The following CTNND2 variants were observed in gnomAD, a reference collection of about 807,000 sequenced individuals.
CTNND2 encodes catenin delta 2.
Under a neutral mutation model 144.4 loss-of-function variants are expected in CTNND2, and 22 were observed. That is an observed-to-expected ratio of 0.15 (90% CI 0.11 to 0.22). CTNND2 has a LOEUF of 0.22. Among genes scored for constraint, CTNND2 ranks in the 10% least tolerant of loss-of-function variants. The pLI is 1.00. For missense variants in CTNND2, 1,353 were observed against 1,618.8 expected (o/e 0.84, Z 2.82); for synonymous variants, 751 against 695.6 (o/e 1.08, Z -1.25).
At chr5:11,071,687 G>GC (rs1748325165) in intron 16 of CTNND2, among the ~76,000 whole-genome samples, 2 of 145,246 alleles carry the variant, frequency 1.4e-5, no homozygotes, top group African/African-American at 5.7e-5. Context: ...TGATGTGGGA[G>GC]GGGGGAGTGC....
chr5:11,443,364 G>GTGT, intron 3 of CTNND2, among the ~76,000 whole-genome samples: 1 of 52,150 alleles, frequency 1.9e-5, no homozygotes, highest in South Asian at 7.0e-4. Context: ...AGGGTGTGTG[G>GTGT]GGGGGTGTGG....
intron 14 of CTNND2, among the ~76,000 whole-genome samples, chr5:11,107,847 C>G (rs1293396900): frequency 6.9e-6 from 1 of 144,416 alleles, no homozygotes; most frequent in Non-Finnish European, 1.6e-5. Flanking sequence ...AGGAAAGAAA[C>G]AGATGAGTCT....
intron 3 of CTNND2, among the ~76,000 whole-genome samples, chr5:11,506,376 C>G (rs1771036181): frequency 6.6e-6 from 1 of 152,166 alleles, no homozygotes; most frequent in Non-Finnish European, 1.5e-5. Flanking sequence ...GTTTTGTTTA[C>G]TTTTTATGCC....
intron 16 of CTNND2, 83 bp downstream of exon 16, chr5:11,082,613 T>G (rs575355407): frequency 6.7e-7 from 1 of 1,493,794 alleles, no homozygotes; most frequent in African/African-American, 1.4e-5. Context: ...GCATAGGCTA[T>G]GCATACGGGT....
intron 3 of CTNND2, among the ~76,000 whole-genome samples, chr5:11,505,960 T>C (rs1194508765): frequency 6.6e-6 from 1 of 152,212 alleles, no homozygotes; most frequent in African/African-American, 2.4e-5. Flanking sequence ...GATCCTTCCC[T>C]GCAGCCTCTT....
At chr5:11,166,220 A>G (rs1360643530) in intron 11 of CTNND2, among the ~76,000 whole-genome samples, 1 of 151,478 alleles carries the variant, frequency 6.6e-6, no homozygotes, top group Non-Finnish European at 1.5e-5. Context: ...AGGGGGAGGA[A>G]AAAGGAGAAG....
intron 1 of CTNND2, among the ~76,000 whole-genome samples, chr5:11,828,528 C>T (rs774656824): frequency 2.6e-5 from 4 of 151,988 alleles, no homozygotes; most frequent in Non-Finnish European, 4.4e-5. Context: ...GAAACTCCGA[C>T]TAAAAATAAA....
chr5:11,406,621 T>C (rs1344735208), intron 5 of CTNND2, among the ~76,000 whole-genome samples: 1 of 152,154 alleles, frequency 6.6e-6, no homozygotes, highest in African/African-American at 2.4e-5. Flanking sequence ...ACCTGATCTC[T>C]CAAACGTCTC....
chr5:11,258,622 T>C (rs1294835004), intron 9 of CTNND2, among the ~76,000 whole-genome samples: 4 of 152,242 alleles, frequency 2.6e-5, no homozygotes, highest in African/African-American at 4.8e-5. Flanking sequence ...AAAAGGATTA[T>C]GTGTGCGTTT....
At position 11,375,291 on chromosome 5, in the gene CTNND2, T is replaced by C. The variant is rs1757828987; in HGVS notation, c.1177+9374A>G. Among the ~76,000 whole-genome samples, 2 of 152,182 alleles carry C rather than the reference T, an allele frequency of 1.3e-5. 1 individual carries two copies. Among genetic ancestry groups the C allele is most frequent in the South Asian group, 4.1e-4 (2 of 4,826 alleles). On this transcript the variant is annotated intron_variant, in intron 7 of 21. Coordinates refer to ENST00000304623, the MANE Select transcript of CTNND2 (RefSeq NM_001332.4). ...CTCCAGAAGAAAAAGACACCCTAACTCTCAACATAATTTAGAGGGAGGAAA... is the reference window on the plus strand; with the variant it reads ...CTCCAGAAGAAAAAGACACCCTAACCCTCAACATAATTTAGAGGGAGGAAA...
intron 1 of CTNND2, among the ~76,000 whole-genome samples, chr5:11,733,331 G>A (rs61762963): frequency 1.3e-3 from 191 of 152,118 alleles, no homozygotes; most frequent in Middle Eastern, 6.8e-3. Context: ...AGATAGTGTC[G>A]GACTGATAGA....
chr5:11,549,779 G>A (rs757174010), intron 3 of CTNND2, among the ~76,000 whole-genome samples: 22 of 152,150 alleles, frequency 1.4e-4, no homozygotes, highest in Non-Finnish European at 2.6e-4. Context: ...GTCCTAAGGA[G>A]TGTGATATTT....
intron 7 of CTNND2, among the ~76,000 whole-genome samples, chr5:11,383,878 G>A (rs1472400988): frequency 6.6e-6 from 1 of 152,218 alleles, no homozygotes; most frequent in South Asian, 2.1e-4. Context: ...GGTGCTAACA[G>A]CAGAGAGGCA....
chr5:11,735,236 A>G (rs994939633), intron 1 of CTNND2, among the ~76,000 whole-genome samples: 6 of 152,250 alleles, frequency 3.9e-5, no homozygotes, highest in African/African-American at 1.2e-4. Flanking sequence ...ATAATAAAGC[A>G]TATTTATGTA....
intron 15 of CTNND2, among the ~76,000 whole-genome samples, chr5:11,091,421 T>TA (rs1374636878): frequency 6.6e-6 from 1 of 152,260 alleles, no homozygotes; most frequent in Non-Finnish European, 1.5e-5. Context: ...GCTTATTTGA[T>TA]AATTTTAACA....
At chr5:11,560,406 G>A (rs576425191) in intron 3 of CTNND2, among the ~76,000 whole-genome samples, 1 of 152,244 alleles carries the variant, frequency 6.6e-6, no homozygotes, top group East Asian at 1.9e-4. Flanking sequence ...TCATAAGAGT[G>A]GTCCAACTGT....
chr5:11,019,543 C>T (rs61751676), intron 17 of CTNND2, among the ~76,000 whole-genome samples: 2,808 of 152,306 alleles, frequency 0.018, 38 homozygotes, highest in Middle Eastern at 0.068. Context: ...CAGGTTTTAA[C>T]CTCTCAATTA....
intron 2 of CTNND2, among the ~76,000 whole-genome samples, chr5:11,592,158 G>GCCTTCCT (rs1561599800): frequency 1.5e-5 from 2 of 133,792 alleles, no homozygotes; most frequent in Non-Finnish European, 3.3e-5. Context: ...CTGCCTTCCT[G>GCCTTCCT]CCTGCCTGCC....
At chr5:11,074,465 T>G (rs1180078285) in intron 16 of CTNND2, among the ~76,000 whole-genome samples, 1 of 152,182 alleles carries the variant, frequency 6.6e-6, no homozygotes, top group Non-Finnish European at 1.5e-5. Context: ...TTGTAACCAT[T>G]TGTCATTGAA....
Sources: allele counts gnomAD v4.1 joint callset (sites outside exome capture counted in the v4.1 genomes callset), GRCh38; gene constraint gnomAD v4.1.1; transcripts MANE v1.5; gene names NCBI Gene and HGNC (gene_info 2026-07-23, HGNC 2026-07-21).